UTRN: variants seen among roughly 807,000 people sequenced by gnomAD.
The protein encoded by UTRN is utrophin, also known as dystrophin-related protein 1.
UTRN carries 283 observed loss-of-function variants against 463.9 expected under a neutral mutation model. That is an observed-to-expected ratio of 0.61 (90% CI 0.55 to 0.67). UTRN has a LOEUF of 0.67. Among genes scored for constraint, UTRN ranks in the 30% least tolerant of loss-of-function variants. The pLI is 0.00. For synonymous variants in UTRN, 1,442 were observed against 1,431.5 expected, an observed-to-expected ratio of 1.01 and a Z score of -0.17; for missense variants, 3,922 against 4,084.3, an observed-to-expected ratio of 0.96 and a Z score of 1.08.
intron 2 of UTRN, among the ~76,000 whole-genome samples, chr6:144,393,523 G>A (rs1032892397): frequency 4.6e-5 from 7 of 152,220 alleles, no homozygotes; most frequent in Non-Finnish European, 1.0e-4. Flanking sequence ...CAATCCAGAA[G>A]AGAAATGGTA....
chr6:144,756,108 C>T (rs1791961854), intron 57 of UTRN, among the ~76,000 whole-genome samples: 1 of 152,036 alleles, frequency 6.6e-6, no homozygotes, highest in Non-Finnish European at 1.5e-5. Context: ...TTTTAAAGTC[C>T]AGATACCATC....
intron 57 of UTRN, among the ~76,000 whole-genome samples, chr6:144,755,071 A>G (rs1310592223): frequency 6.6e-6 from 1 of 152,182 alleles, no homozygotes; most frequent in Non-Finnish European, 1.5e-5. Flanking sequence ...GTATCATATC[A>G]TCATTGCTTT....
chr6:144,836,705 A>T (rs1261242063), intron 71 of UTRN, 164 bp downstream of exon 71: 3 of 1,068,922 alleles, frequency 2.8e-6, no homozygotes, highest in Non-Finnish European at 2.6e-6. Context: ...ATGTAAGCAT[A>T]TAAATCCTCA....
chr6:144,502,148 A>G (rs1355269774), intron 34 of UTRN, among the ~76,000 whole-genome samples: 1 of 150,412 alleles, frequency 6.6e-6, no homozygotes, highest in Non-Finnish European at 1.5e-5. Context: ...AATATTTTTT[A>G]ATGAACAAAA....
At chr6:144,520,299 A>C (rs1403389095) in intron 39 of UTRN, among the ~76,000 whole-genome samples, 2 of 152,218 alleles carry the variant, frequency 1.3e-5, no homozygotes, top group Non-Finnish European at 1.5e-5. Flanking sequence ...ATGAAAATCC[A>C]AAAGAATTAT....
intron 53 of UTRN, among the ~76,000 whole-genome samples, chr6:144,723,075 A>G (rs549217382): frequency 2.0e-5 from 3 of 152,362 alleles, no homozygotes; most frequent in African/African-American, 4.8e-5. Context: ...GGGTTACCTC[A>G]TGGGTGAGAA....
chr6:144,391,239 T>A (rs1306264202), intron 2 of UTRN, among the ~76,000 whole-genome samples: 2 of 152,082 alleles, frequency 1.3e-5, no homozygotes, highest in Non-Finnish European at 2.9e-5. Context: ...ACCCAGACAC[T>A]TTTTTGATTT....
intron 73 of UTRN, among the ~76,000 whole-genome samples, chr6:144,842,800 ACCC>A: frequency 6.6e-6 from 1 of 151,572 alleles, no homozygotes; most frequent in African/African-American, 2.4e-5. Flanking sequence ...CAGTCTCCAC[ACCC>A]ACCTCCCCAC....
chr6:144,450,716 G>A (rs2128556868), intron 17 of UTRN, among the ~76,000 whole-genome samples: 1 of 152,278 alleles, frequency 6.6e-6, no homozygotes, highest in East Asian at 1.9e-4. Flanking sequence ...AGTAATGTCT[G>A]TACTTGTTCT....
At chr6:144,592,986 T>C (rs1415953924) in intron 51 of UTRN, among the ~76,000 whole-genome samples, 1 of 152,112 alleles carries the variant, frequency 6.6e-6, no homozygotes, top group East Asian at 1.9e-4. Context: ...ATAATAAAAC[T>C]AGAAGTTGTT....
chr6:144,627,573 T>C (rs1028124850), intron 51 of UTRN, among the ~76,000 whole-genome samples: 13 of 152,266 alleles, frequency 8.5e-5, no homozygotes, highest in East Asian at 1.9e-4. Context: ...TTTTATTATC[T>C]CAAACGGAAA....
chr6:144,433,930 C>G (rs1394674270), intron 9 of UTRN, among the ~76,000 whole-genome samples: 17 of 152,166 alleles, frequency 1.1e-4, no homozygotes, highest in South Asian at 2.1e-4. Flanking sequence ...TCCTCACTTC[C>G]CAGACGGGGT....
At chr6:144,491,123 G>A (rs1256372651) in intron 32 of UTRN, 21 bp downstream of exon 32, 1 of 1,577,480 alleles carries the variant, frequency 6.3e-7, no homozygotes, top group Non-Finnish European at 8.6e-7. Flanking sequence ...TGGGTGATTG[G>A]CACATCCAGT....
In UTRN at chr6:144,499,389, C is replaced by T. The variant is rs1222429117; in HGVS notation, c.4726C>T (p.Leu1576=). The T allele has an allele frequency of 6.2e-7, 1 of 1,611,044 alleles. No individual in the cohort carries two copies. The highest frequency in any genetic ancestry group is 1.3e-5 in the African/African-American group (1 of 74,904). Residue 1576 remains leucine, a synonymous_variant, in exon 34 of 75, where the codon CTG becomes TTG. Coordinates refer to ENST00000367545, the MANE Select transcript of UTRN (RefSeq NM_007124.3). ...GGTACAGAAGTCCACTTCAGAAGGT[C>T]TGCTTGGTGACTTGGATACAGAAAT... ...ELVQKSTSEG[L]LGDLDTEISW...
chr6:144,781,354 C>T (rs1218096705), intron 60 of UTRN, among the ~76,000 whole-genome samples: 1 of 152,134 alleles, frequency 6.6e-6, no homozygotes, highest in Non-Finnish European at 1.5e-5. Context: ...ATAGATCGGG[C>T]TTGATTCAGC....
At chr6:144,305,600 A>G (rs1402663801) in intron 2 of UTRN, among the ~76,000 whole-genome samples, 1 of 152,242 alleles carries the variant, frequency 6.6e-6, no homozygotes, top group Admixed American at 6.5e-5. Flanking sequence ...ATGAGGGAAG[A>G]AGGACTGGGC....
chr6:144,300,086 ATT>A (rs10677686), intron 2 of UTRN, among the ~76,000 whole-genome samples: 17 of 142,422 alleles, frequency 1.2e-4, no homozygotes, highest in Middle Eastern at 3.8e-3. Flanking sequence ...AAGTCTTGTG[ATT>A]TTTTTTTTTT....
At chr6:144,288,994 C>T (rs1417492412) in intron 1 of UTRN, among the ~76,000 whole-genome samples, 2 of 152,166 alleles carry the variant, frequency 1.3e-5, no homozygotes, top group Admixed American at 1.3e-4. Context: ...AAACTCTTGA[C>T]CTCAAGTGTT....
At chr6:144,539,915 C>A (rs937168672) in intron 45 of UTRN, among the ~76,000 whole-genome samples, 1 of 151,780 alleles carries the variant, frequency 6.6e-6, no homozygotes. Flanking sequence ...TAGTGGCACA[C>A]GCCTGTAATC....
Sources: allele counts gnomAD v4.1 joint callset (sites outside exome capture counted in the v4.1 genomes callset), GRCh38; gene constraint gnomAD v4.1.1; transcripts MANE v1.5; gene names NCBI Gene and HGNC (gene_info 2026-07-23, HGNC 2026-07-21).